The following MRPL3 variants were observed in gnomAD, a reference collection of about 807,000 sequenced individuals.
The protein encoded by MRPL3 is large ribosomal subunit protein uL3m.
In MRPL3, 43 loss-of-function variants were observed where a neutral mutation model predicts 44.3. The ratio of observed to expected loss-of-function variants is 0.97; its 90% CI spans 0.76 to 1.25. The LOEUF (loss-of-function observed/expected upper bound fraction) is 1.25, where lower values mean the gene tolerates loss of function less well. Among genes scored for constraint, MRPL3 ranks in the 50% most tolerant of loss-of-function variants. MRPL3 has a pLI of 0.00. For missense variants in MRPL3, 406 were observed against 427.6 expected (o/e 0.95, Z 0.45); for synonymous variants, 171 against 152.3 (o/e 1.12, Z -0.91).
At chr3:131,491,612 C>T (rs759896783) in intron 4 of MRPL3, among the ~76,000 whole-genome samples, 4 of 152,130 alleles carry the variant, frequency 2.6e-5, no homozygotes, top group Non-Finnish European at 4.4e-5. Context: ...CCGTATAGGT[C>T]AAAAATCTTA....
chr3:131,499,446 T>C (rs1005973915), intron 3 of MRPL3, among the ~76,000 whole-genome samples: 4 of 152,198 alleles, frequency 2.6e-5, no homozygotes, highest in African/African-American at 9.7e-5. Context: ...CAAAATGGTT[T>C]TGTACCAATT....
intron 4 of MRPL3, among the ~76,000 whole-genome samples, chr3:131,493,261 G>C (rs1934297037): frequency 6.6e-6 from 1 of 152,182 alleles, no homozygotes; most frequent in Non-Finnish European, 1.5e-5. Context: ...TTATTCTGGT[G>C]AAAGAGGCAC....
chr3:131,491,566 C>G (rs528974543), intron 4 of MRPL3, among the ~76,000 whole-genome samples: 23 of 152,232 alleles, frequency 1.5e-4, no homozygotes, highest in African/African-American at 5.5e-4. Flanking sequence ...AGGCCTTCTT[C>G]CAAATCTCAA....
rs373728194 is a variant in MRPL3, at chr3:131,502,867, C to G, written c.-46G>C. 60 of 1,578,742 alleles carry G rather than the reference C, an allele frequency of 3.8e-5. No homozygotes were observed. The highest frequency in any genetic ancestry group is 5.0e-5 in the Non-Finnish European group (58 of 1,155,296). The stretch of plus-strand genomic sequence containing the variant: ...GACTCACGACTTCCGGGCGCCCTGC[C>G]GCTCTGCTTTCAGGGAGTCCCCACG... On this transcript the variant is annotated 5_prime_UTR_variant, in exon 1 of 10. Transcript: ENST00000264995.
chr3:131,500,936 T>C (rs945651502), intron 2 of MRPL3, among the ~76,000 whole-genome samples: 3 of 152,222 alleles, frequency 2.0e-5, no homozygotes, highest in African/African-American at 7.2e-5. Context: ...TGGTCATACA[T>C]TGCTAAAATA....
intron 6 of MRPL3, among the ~76,000 whole-genome samples, chr3:131,480,883 G>C (rs1032140164): frequency 6.6e-6 from 1 of 152,180 alleles, no homozygotes; most frequent in Non-Finnish European, 1.5e-5. Context: ...TTTGGAAACA[G>C]ATTTTTAGAA....
At chr3:131,474,166 C>A (rs1021536649) in intron 6 of MRPL3, among the ~76,000 whole-genome samples, 1 of 151,930 alleles carries the variant, frequency 6.6e-6, no homozygotes, top group Non-Finnish European at 1.5e-5. Context: ...CAATAACAGA[C>A]AAAATAAAGG....
At position 131,462,749 on chromosome 3, in the gene MRPL3, C is replaced by A. The variant is rs201060753; in HGVS notation, c.1021G>T (p.Gly341Cys). Residue 341 changes from glycine to cysteine, a missense_variant, in exon 10 of 10, where the codon GGT becomes TGT. By Grantham distance (159) the Gly-to-Cys change is radical. Coordinates refer to ENST00000264995, the MANE Select transcript of MRPL3 (RefSeq NM_007208.4). ...DLYDENVCQP[G>C]APSITFA The stretch of plus-strand genomic sequence containing the variant: ...TAGGCAAATGTAATAGAAGGCGCAC[C>A]GGGCTGACACACGTTTTCATCATAC... 11 of 1,611,330 alleles carry A rather than the reference C, an allele frequency of 6.8e-6. No individual in the cohort carries two copies. The highest frequency in any genetic ancestry group is 3.3e-4 in the Middle Eastern group (2 of 6,052).
Position 131,501,637 on chromosome 3 carries a change from A to G in MRPL3, c.171T>C (p.Asn57=). 1.2e-6 allele frequency: 2 copies of G among 1,613,350 alleles called. No homozygotes were observed. Among genetic ancestry groups the G allele is most frequent in the African/African-American group, 1.3e-5 (1 of 75,026 alleles). ...AGACCAACTGCTTAATGAATGGGAC[A>G]TTTTCTTCAGAAAGATGCTCATCCC... The part of the protein sequence containing the change: ...TWWDEHLSEE[N]VPFIKQLVSD... Residue 57 remains asparagine (N), a synonymous_variant, in exon 2 of 10, where the codon AAT becomes AAC. Coordinates refer to ENST00000264995, the MANE Select transcript of MRPL3 (RefSeq NM_007208.4).
At chr3:131,498,314 A>AAT in intron 3 of MRPL3, 37 bp from the exon 4 acceptor site, 1 of 1,346,290 alleles carries the variant, frequency 7.4e-7, no homozygotes, top group South Asian at 1.2e-5. Context: ...AGCATGTGCC[A>AAT]ATATATATTT....
rs768705971 is a variant in MRPL3, at chr3:131,501,625, A to G, written c.183T>C (p.Ile61=). The G allele has an allele frequency of 3.7e-6, 6 of 1,613,058 alleles. No homozygotes were observed. In the Admixed American group the frequency reaches 6.7e-5, roughly 18 times the overall value. Residue 61 remains isoleucine, a synonymous_variant, in exon 2 of 10, where the codon ATT becomes ATC. Coordinates refer to ENST00000264995, the MANE Select transcript of MRPL3 (RefSeq NM_007208.4). ...EHLSEENVPF[I]KQLVSDEDKA... ...TATCTTCATCAGAGACCAACTGCTT[A>G]ATGAATGGGACATTTTCTTCAGAAA...
intron 6 of MRPL3, among the ~76,000 whole-genome samples, chr3:131,473,506 T>C (rs1437595207): frequency 6.6e-6 from 1 of 151,316 alleles, no homozygotes; most frequent in African/African-American, 2.4e-5. Context: ...TATTTTTAAA[T>C]GAGACCTCAA....
intron 4 of MRPL3, among the ~76,000 whole-genome samples, chr3:131,494,673 C>A (rs1159811900): frequency 6.6e-6 from 1 of 152,144 alleles, no homozygotes; most frequent in African/African-American, 2.4e-5. Flanking sequence ...GATTATCATC[C>A]AATTTCACTA....
At chr3:131,485,381 T>A (rs1007127997) in intron 6 of MRPL3, among the ~76,000 whole-genome samples, 1 of 152,344 alleles carries the variant, frequency 6.6e-6, no homozygotes. Context: ...ATATCCCATA[T>A]TGTATAAAAT....
chr3:131,496,221 T>A (rs917559603), intron 4 of MRPL3, among the ~76,000 whole-genome samples: 8 of 152,232 alleles, frequency 5.3e-5, no homozygotes, highest in Admixed American at 5.2e-4. Flanking sequence ...ATTACTCATA[T>A]GAAGGCTGGT....
In MRPL3 at chr3:131,464,170, C is replaced by CAA. The variant is rs547979280; in HGVS notation, c.895-1297_895-1296dup. ...TTTAGGATTGAAAATAAAACCCAAG[C>CAA]AAAAAAAACAATAAAACCAATCACA... On this transcript the variant is annotated intron_variant, in intron 9 of 9. Transcript: ENST00000264995. Among the ~76,000 whole-genome samples the CAA allele has an allele frequency of 2.3e-3, 352 of 151,230 alleles. 3 individuals carry two copies. The highest frequency in any genetic ancestry group is 8.0e-3 in the African/African-American group (331 of 41,254).
At chr3:131,479,417 G>A (rs2110702654) in intron 6 of MRPL3, among the ~76,000 whole-genome samples, 1 of 152,280 alleles carries the variant, frequency 6.6e-6, no homozygotes, top group African/African-American at 2.4e-5. Context: ...GTGGGAAGGT[G>A]AAGAAATTAC....
intron 9 of MRPL3, 53 bp from the exon 10 acceptor site, chr3:131,462,928 C>G (rs940738246): frequency 6.1e-6 from 9 of 1,465,770 alleles, no homozygotes; most frequent in Non-Finnish European, 8.4e-6. Flanking sequence ...TAAAGGTAGA[C>G]TTTTCAGCTA....
intron 3 of MRPL3, among the ~76,000 whole-genome samples, chr3:131,499,092 A>G (rs1424718848): frequency 6.6e-6 from 1 of 152,212 alleles, no homozygotes; most frequent in African/African-American, 2.4e-5. Context: ...TATAATTACT[A>G]TATTGGAAAG....
Sources: gnomAD v4.1 joint callset for allele counts (sites outside exome capture counted in the v4.1 genomes callset) on GRCh38, gnomAD v4.1.1 for gene constraint, MANE v1.5 for transcripts, NCBI Gene and HGNC (gene_info 2026-07-23, HGNC 2026-07-21) for gene names.